PLXNB2: variants seen among roughly 807,000 people sequenced by gnomAD.
PLXNB2 encodes the protein plexin B2, also known as plexin-B2.
A neutral mutation model predicts 202.6 loss-of-function variants in PLXNB2; 85 were observed. The ratio of observed to expected loss-of-function variants is 0.42; its 90% CI spans 0.35 to 0.50. The LOEUF (loss-of-function observed/expected upper bound fraction) is 0.50. Ranked by LOEUF, PLXNB2 falls within the 20% of genes least tolerant of loss-of-function variation. PLXNB2 has a pLI of 0.02. For missense variants in PLXNB2, 2,063 were observed against 2,586.2 expected, an observed-to-expected ratio of 0.80 and a Z score of 4.39; for synonymous variants, 1,239 against 1,137.6, an observed-to-expected ratio of 1.09 and a Z score of -1.79.
chr22:50,288,906 G>A lies in PLXNB2; in HGVS notation c.1252-35C>T. ...CGAGGGCAGGCCGGTGAGGGTACGG[G>A]CCTTGTGCACAGACGGGCCCTCCAG... On this transcript the variant is annotated intron_variant, in intron 4 of 36. Coordinates refer to ENST00000359337, the MANE Select transcript of PLXNB2 (RefSeq NM_012401.4). This position sits in a 1 kb window ranked among gnomAD's most constrained non-coding sequence, Gnocchi z 5.0. The A allele has an allele frequency of 6.2e-7, 1 of 1,611,956 alleles. No homozygotes were observed. The highest frequency in any genetic ancestry group is 8.5e-7 in the Non-Finnish European group (1 of 1,179,030).
Position 50,284,679 on chromosome 22 carries a change from C to A in PLXNB2, c.2089-14G>T. On this transcript the variant is annotated splice_polypyrimidine_tract_variant and intron_variant, in intron 11 of 36. Coordinates refer to ENST00000359337, the MANE Select transcript of PLXNB2 (RefSeq NM_012401.4). This position sits in a 1 kb window ranked among gnomAD's most constrained non-coding sequence, Gnocchi z 8.0. ...CAGGGAGGAACCCTGCAGACCATGCCGTCAGGACCCTGGACAGGCGGCTGT... is the reference window on the plus strand; with the variant it reads ...CAGGGAGGAACCCTGCAGACCATGCAGTCAGGACCCTGGACAGGCGGCTGT... 2.5e-6 allele frequency: 4 copies of A among 1,604,738 alleles called. No homozygotes were observed. The highest frequency in any genetic ancestry group is 3.4e-6 in the Non-Finnish European group (4 of 1,172,658).
intron 1 of PLXNB2, among the ~76,000 whole-genome samples, chr22:50,305,929 C>CA (rs1437403624): frequency 6.6e-6 from 1 of 152,198 alleles, no homozygotes; most frequent in Non-Finnish European, 1.5e-5. Context: ...GGGCTTTCTC[C>CA]AACCCAAAGG....
Position 50,289,201 on chromosome 22 carries a change from C to A in PLXNB2, c.1069-59G>T. ...CCCCTGTCCTGAAGGGCCCTCTCCA[C>A]TCGCGCTCCAAGACTCGGGACAGGC... is the stretch of plus-strand genomic sequence containing the variant. On this transcript the variant is annotated intron_variant, in intron 3 of 36. Coordinates refer to ENST00000359337, the MANE Select transcript of PLXNB2 (RefSeq NM_012401.4). This position sits in a 1 kb window ranked among gnomAD's most constrained non-coding sequence, Gnocchi z 8.0. 1.4e-6 allele frequency: 2 copies of A among 1,418,446 alleles called. No homozygotes were observed. Among genetic ancestry groups the A allele is most frequent in the Non-Finnish European group, 1.9e-6 (2 of 1,063,440 alleles). 87.9% of individuals were successfully genotyped at this position (1,418,446 alleles called of 1,614,324 possible).
chr22:50,278,392 C>T (rs747573980), intron 30 of PLXNB2, 43 bp downstream of exon 30: 1 of 1,558,742 alleles, frequency 6.4e-7, no homozygotes, highest in Non-Finnish European at 8.7e-7. Flanking sequence ...TCCACGCTGA[C>T]CACCAGGGGC....
chr22:50,287,924 C>T lies in PLXNB2; in HGVS notation c.1481+13G>A, dbSNP rs1489932453. On this transcript the variant is annotated intron_variant, in intron 6 of 36. Transcript: ENST00000359337. ...GAGGCAGGCCGTGTCCCCGAGCCAC[C>T]CCAGGCACTCACCGTCCCTCGACGA... 5 of 1,584,976 alleles carry T rather than the reference C, an allele frequency of 3.2e-6. No individual in the cohort carries two copies. The Admixed American group carries it at 7.1e-5, about 23-fold the overall frequency.
At chr22:50,287,623 C>T in intron 7 of PLXNB2, 44 bp downstream of exon 7, 1 of 1,508,848 alleles carries the variant, frequency 6.6e-7, no homozygotes, top group Non-Finnish European at 8.9e-7. Context: ...CCCCACCTGG[C>T]CCGGCCTGGG....
chr22:50,285,786 C>A lies in PLXNB2; in HGVS notation c.2088+14G>T. The A allele has an allele frequency of 1.3e-6, 2 of 1,598,956 alleles. No individual in the cohort carries two copies. Among genetic ancestry groups the A allele is most frequent in the Non-Finnish European group, 8.6e-7 (1 of 1,167,362 alleles). On this transcript the variant is annotated intron_variant, in intron 11 of 36. Transcript: ENST00000359337. ...GAGCCTGCCTGTCACCAGCCGGCAC[C>A]CCTCCCTCCGCACCTTCACGGTGTC...
Position 50,284,266 on chromosome 22 carries a change from G to T in PLXNB2, c.2182-53C>A. 1 of 1,523,490 alleles carries T rather than the reference G, an allele frequency of 6.6e-7. No individual in the cohort carries two copies. The allele number at this position is 1,523,490 out of a possible 1,614,324, so 94.4% of individuals were successfully genotyped here. On this transcript the variant is annotated intron_variant, in intron 12 of 36. Coordinates refer to ENST00000359337, the MANE Select transcript of PLXNB2 (RefSeq NM_012401.4). The surrounding 1 kb of genome is among the most constrained non-coding windows in gnomAD (Gnocchi z 8.0). ...CTTCCTGCCCCCACAGAGGGGCGTG[G>T]GGCGGGGGTCACAAGGGCAGCCTCC... is the stretch of plus-strand genomic sequence containing the variant.
At chr22:50,292,022 G>A (rs536066786) in intron 2 of PLXNB2, among the ~76,000 whole-genome samples, 2 of 152,276 alleles carry the variant, frequency 1.3e-5, no homozygotes, top group African/African-American at 2.4e-5. Context: ...CCCTCGAAAC[G>A]CAATCCGCTT....
Position 50,276,712 on chromosome 22 carries a change from G to A in PLXNB2, c.5262-8C>T, listed in dbSNP as rs753406906. On this transcript the variant is annotated splice_polypyrimidine_tract_variant and splice_region_variant and intron_variant, in intron 34 of 36. Transcript: ENST00000359337. ...CGGATCCCCTTGTAGTAACTGCAGG[G>A]GTGGGAGCATCATACAGTGTGGGCG... The A allele has an allele frequency of 2.5e-6, 4 of 1,613,038 alleles. No individual in the cohort carries two copies. Among genetic ancestry groups the A allele is most frequent in the Admixed American group, 1.7e-5 (1 of 59,988 alleles).
chr22:50,295,196 C>G (rs1218664736), intron 1 of PLXNB2, among the ~76,000 whole-genome samples: 1 of 151,354 alleles, frequency 6.6e-6, no homozygotes, highest in Admixed American at 6.6e-5. Flanking sequence ...TGGCGGGCAG[C>G]TGTAGTCCCA....
chr22:50,286,639 G>GT (rs1331240512), intron 8 of PLXNB2, among the ~76,000 whole-genome samples: 1 of 152,212 alleles, frequency 6.6e-6, no homozygotes, highest in Non-Finnish European at 1.5e-5. Context: ...GTCTGAGTGG[G>GT]ACCTGCCAGG....
At chr22:50,296,010 G>C (rs1428613574) in intron 1 of PLXNB2, among the ~76,000 whole-genome samples, 1 of 152,136 alleles carries the variant, frequency 6.6e-6, no homozygotes, top group East Asian at 1.9e-4. Flanking sequence ...GCCGAGGCAA[G>C]ATAATCGCTT....
At position 50,281,547 on chromosome 22, in the gene PLXNB2, C is replaced by A. The variant is rs111925803; in HGVS notation, c.3522+19G>T. ...CGCGGTCCCGTGGGGGCACCCCCCG[C>A]CAGTCCCCGCTCACGCACAATGAAC... On this transcript the variant is annotated intron_variant, in intron 21 of 36. Coordinates refer to ENST00000359337, the MANE Select transcript of PLXNB2 (RefSeq NM_012401.4). 3.7e-6 allele frequency: 6 copies of A among 1,607,272 alleles called. No individual in the cohort carries two copies. In the African/African-American group the frequency reaches 6.7e-5, roughly 18 times the overall value.
intron 2 of PLXNB2, 125 bp downstream of exon 2, chr22:50,294,594 A>T (rs2067126307): frequency 4.4e-6 from 1 of 226,776 alleles, no homozygotes; most frequent in Admixed American, 6.5e-5. Context: ...TGGCAGAGTG[A>T]CAGGTACGGT....
Position 50,297,175 on chromosome 22 carries a change from G to A in PLXNB2, c.-73-2397C>T, listed in dbSNP as rs115923827. ...GAGGTGGCAGCCATGGCGGTGGCAC[G>A]GTACCCCCAGACCTGCCATCTTGAA... On this transcript the variant is annotated intron_variant, in intron 1 of 36. Coordinates refer to ENST00000359337, the MANE Select transcript of PLXNB2 (RefSeq NM_012401.4). This position sits in a 1 kb window ranked among gnomAD's most constrained non-coding sequence, Gnocchi z 5.3. 0.052 allele frequency among the ~76,000 whole-genome samples: 7,909 copies of A among 152,162 alleles called. 457 individuals are homozygous for A. The highest frequency in any genetic ancestry group is 0.15 in the African/African-American group (6,069 of 41,486).
At chr22:50,286,420 C>G in intron 8 of PLXNB2, 133 bp from the exon 9 acceptor site, 1 of 636,308 alleles carries the variant, frequency 1.6e-6, no homozygotes, top group East Asian at 2.7e-5. Context: ...CAGGACGCCC[C>G]GCATTCATGT....
chr22:50,277,842 T>C lies in PLXNB2; in HGVS notation c.5048+11A>G, dbSNP rs1395676448. 1 of 1,611,544 alleles carries C rather than the reference T, an allele frequency of 6.2e-7. No homozygotes were observed. Among genetic ancestry groups the C allele is most frequent in the African/African-American group, 1.3e-5 (1 of 74,900 alleles). Reference sequence around the variant, plus strand: ...CCGGGGCTGGGCCGCGGGGTGGGTGTGGAGCCTCACCTGTTCGTCTTCCAG... The same window carrying C: ...CCGGGGCTGGGCCGCGGGGTGGGTGCGGAGCCTCACCTGTTCGTCTTCCAG... On this transcript the variant is annotated intron_variant, in intron 32 of 36. Transcript: ENST00000359337.
chr22:50,295,388 C>T (rs963404671), intron 1 of PLXNB2, among the ~76,000 whole-genome samples: 4 of 151,688 alleles, frequency 2.6e-5, no homozygotes, highest in South Asian at 2.1e-4. Context: ...AGCTGTGTGA[C>T]GTTGGGCAAG....
Sources: gnomAD v4.1 joint callset for allele counts (sites outside exome capture counted in the v4.1 genomes callset) on GRCh38, gnomAD v4.1.1 for gene constraint, Gnocchi (gnomAD v3.1) non-coding constraint, MANE v1.5 for transcripts, NCBI Gene and HGNC (gene_info 2026-07-23, HGNC 2026-07-21) for gene names.